Variants in ARHGEF10 observed in about 807,000 individuals in gnomAD.
ARHGEF10 encodes Rho guanine nucleotide exchange factor (GEF) 10.
In ARHGEF10, 140 loss-of-function variants were observed where a neutral mutation model predicts 147.4. That is an observed-to-expected ratio of 0.95 (90% CI 0.83 to 1.09). The LOEUF (loss-of-function observed/expected upper bound fraction) is 1.09, where lower values mean the gene tolerates loss of function less well. Among genes scored for constraint, ARHGEF10 ranks in the 50% least tolerant of loss-of-function variants. The probability of loss-of-function intolerance (pLI) is 0.00; values close to 1 mark genes in which losing one functional copy is unlikely to be tolerated. For missense variants in ARHGEF10, 2,222 were observed against 1,752.7 expected (o/e 1.27, Z -4.78); for synonymous variants, 902 against 695.8 (o/e 1.30, Z -4.67).
rs1563296256 is a variant in ARHGEF10 at position 1,926,707 on chromosome 8, G to C, written c.2697+244G>C. ...TCATCTAAAACATTTACCAGATAAA[G>C]TTGAGTCCAGAGACAACTAACTAAT... On this transcript the variant is annotated intron_variant, in intron 23 of 28. Coordinates refer to ENST00000349830, the MANE Select transcript of ARHGEF10 (RefSeq NM_014629.4). The C allele has an allele frequency of 8.8e-6, 5 of 570,392 alleles. No individual in the cohort carries two copies. The East Asian group carries it at 1.5e-4, about 18-fold the overall frequency. 35.3% of individuals were successfully genotyped at this position (570,392 alleles called of 1,614,324 possible).
chr8:1,919,613 TTC>T (rs1270392590), intron 18 of ARHGEF10, among the ~76,000 whole-genome samples: 1 of 148,110 alleles, frequency 6.8e-6, no homozygotes, highest in African/African-American at 2.5e-5. Flanking sequence ...TGATAAACTG[TTC>T]TGTCAAGTGA....
chr8:1,923,936 G>T, intron 21 of ARHGEF10, 62 bp downstream of exon 21: 1 of 1,484,482 alleles, frequency 6.7e-7, no homozygotes, highest in Non-Finnish European at 9.4e-7. Context: ...TCCTGCCCAC[G>T]AGGGTGAGGT....
chr8:1,899,820 G>C (rs369360096), intron 15 of ARHGEF10, among the ~76,000 whole-genome samples: 4 of 152,260 alleles, frequency 2.6e-5, no homozygotes, highest in Non-Finnish European at 4.4e-5. Flanking sequence ...CAGACGTGAT[G>C]AATGAGCTTC....
intron 1 of ARHGEF10, among the ~76,000 whole-genome samples, chr8:1,832,028 G>C (rs988630768): frequency 6.6e-6 from 1 of 152,200 alleles, no homozygotes; most frequent in Non-Finnish European, 1.5e-5. Context: ...GGGGACAGGA[G>C]TCTGTGGAAT....
intron 8 of ARHGEF10, among the ~76,000 whole-genome samples, chr8:1,877,759 G>A (rs1807830543): frequency 6.6e-6 from 1 of 151,954 alleles, no homozygotes; most frequent in South Asian, 2.1e-4. Context: ...TAAAAGGATA[G>A]ATTTGTGCTC....
chr8:1,918,225 C>A (rs1811905266), intron 18 of ARHGEF10, among the ~76,000 whole-genome samples: 6 of 152,178 alleles, frequency 3.9e-5, no homozygotes, highest in Admixed American at 3.9e-4. Flanking sequence ...CAGACGCTTT[C>A]TTTGGCAGCG....
intron 1 of ARHGEF10, among the ~76,000 whole-genome samples, chr8:1,840,009 G>GCA (rs1803888866): frequency 7.4e-6 from 1 of 134,244 alleles, no homozygotes; most frequent in Non-Finnish European, 1.6e-5. Context: ...TGGTGTGGAA[G>GCA]CTGTCCGATA....
chr8:1,954,713 G>A (rs1004186857), intron 28 of ARHGEF10, among the ~76,000 whole-genome samples: 2 of 152,182 alleles, frequency 1.3e-5, no homozygotes, highest in Non-Finnish European at 1.5e-5. Flanking sequence ...TGAGTTTTAC[G>A]TCAATTATTC....
At chr8:1,956,449 G>T (rs1204511580) in intron 28 of ARHGEF10, among the ~76,000 whole-genome samples, 3 of 152,126 alleles carry the variant, frequency 2.0e-5, no homozygotes, top group Non-Finnish European at 4.4e-5. Flanking sequence ...ATGGAAAAAT[G>T]ACTATTTTAT....
chr8:1,946,688 A>T (rs1037865373), intron 27 of ARHGEF10, among the ~76,000 whole-genome samples: 6 of 152,206 alleles, frequency 3.9e-5, no homozygotes, highest in Non-Finnish European at 5.9e-5. Flanking sequence ...AGACACAAAC[A>T]TTCAGTCCAT....
At chr8:1,944,013 G>A (rs928258252) in intron 26 of ARHGEF10, 10 of 141,858 alleles carry the variant, frequency 7.0e-5, no homozygotes, top group African/African-American at 1.9e-4. Flanking sequence ...GATGGGACTT[G>A]GGGCCGTGTG....
intron 7 of ARHGEF10, among the ~76,000 whole-genome samples, chr8:1,875,525 C>T (rs929674375): frequency 1.3e-5 from 2 of 152,134 alleles, no homozygotes; most frequent in African/African-American, 2.4e-5. Context: ...GCTGGGTGCC[C>T]GGGTGGTGAT....
chr8:1,863,063 A>G (rs962810701), intron 4 of ARHGEF10, among the ~76,000 whole-genome samples: 17 of 152,074 alleles, frequency 1.1e-4, no homozygotes, highest in Admixed American at 7.2e-4. Flanking sequence ...GATTACAGGC[A>G]TGAGCCACCG....
At chr8:1,864,299 A>T in intron 4 of ARHGEF10, 74 bp from the exon 5 acceptor site, 1 of 1,452,172 alleles carries the variant, frequency 6.9e-7, no homozygotes, top group Non-Finnish European at 9.7e-7. Context: ...AACCATTTTT[A>T]AGGGTAAAAA....
At chr8:1,857,341 C>T (rs1454734286) in intron 2 of ARHGEF10, among the ~76,000 whole-genome samples, 1 of 152,028 alleles carries the variant, frequency 6.6e-6, no homozygotes. Context: ...TCAGCCCAGC[C>T]GGGTGATGTT....
At position 1,894,557 on chromosome 8, in the gene ARHGEF10, T is replaced by A. The variant is rs377208926; in HGVS notation, c.1425T>A (p.Asp475Glu). 6 of 1,614,032 alleles carry A rather than the reference T, an allele frequency of 3.7e-6. No homozygotes were observed. The highest frequency in any genetic ancestry group is 1.3e-5 in the African/African-American group (1 of 74,926). ...GGGACTCCGTGGAAATGATAGGCGA[T>A]GTCTTCGTGGCTTCGGTAATTAAGC... ...SEWDSVEMIG[D>E]VFVASFSKSM... The change falls in exon 13 of 29, where the codon GAT becomes GAA. Residue 475 changes from aspartate to glutamate, a missense_variant. Coordinates refer to ENST00000349830, the MANE Select transcript of ARHGEF10 (RefSeq NM_014629.4).
chr8:1,894,357 G>C (rs757658987), intron 12 of ARHGEF10, 36 bp from the exon 13 acceptor site: 3 of 1,613,130 alleles, frequency 1.9e-6, no homozygotes, highest in South Asian at 1.1e-5. Flanking sequence ...CTCTGAAAAA[G>C]AAAAGTCTGA....
intron 26 of ARHGEF10, among the ~76,000 whole-genome samples, chr8:1,936,254 C>T (rs1563311398): frequency 6.6e-6 from 1 of 152,196 alleles, no homozygotes; most frequent in Non-Finnish European, 1.5e-5. Context: ...GCGGCTCACA[C>T]CTGTAATTCC....
At chr8:1,889,871 G>A (rs1057244933) in intron 11 of ARHGEF10, among the ~76,000 whole-genome samples, 1 of 144,440 alleles carries the variant, frequency 6.9e-6, no homozygotes, top group Non-Finnish European at 1.5e-5. Context: ...ACTGAGTGTG[G>A]TGAGGGTTTG....
Sources: gnomAD v4.1 joint callset for allele counts (sites outside exome capture counted in the v4.1 genomes callset) on GRCh38, gnomAD v4.1.1 for gene constraint, MANE v1.5 for transcripts, NCBI Gene and HGNC (gene_info 2026-07-23, HGNC 2026-07-21) for gene names.